The following RASSF2 variants were observed in gnomAD, a reference collection of about 807,000 sequenced individuals.
RASSF2 encodes ras association domain-containing protein 2.
Under a neutral mutation model 46.3 loss-of-function variants are expected in RASSF2, and 34 were observed. The observed-to-expected ratio is 0.73, with a 90% CI of 0.56 to 0.98. The LOEUF is 0.98. Ranked by LOEUF, RASSF2 falls within the 50% of genes least tolerant of loss-of-function variation. RASSF2 has a pLI of 0.00. For missense variants in RASSF2, 364 were observed against 431.2 expected (o/e 0.84, Z 1.38); for synonymous variants, 158 against 162.5 (o/e 0.97, Z 0.21).
intron 4 of RASSF2, among the ~76,000 whole-genome samples, chr20:4,796,709 T>C (rs891296863): frequency 6.6e-6 from 1 of 152,170 alleles, no homozygotes; most frequent in African/African-American, 2.4e-5. Context: ...TCCCGAAGAA[T>C]TGGGACTCGC....
chr20:4,788,201 T>C lies in RASSF2; in HGVS notation c.691+16A>G. 8.5e-7 allele frequency: 1 copy of C among 1,175,714 alleles called. No homozygotes were observed. Among genetic ancestry groups the C allele is most frequent in the African/African-American group, 1.4e-5 (1 of 69,196 alleles). The allele number at this position is 1,175,714 out of a possible 1,614,324, so 72.8% of individuals were successfully genotyped here. A position where few individuals can be genotyped will look rare whatever the true frequency, so the allele number is the denominator to read the frequency against. On this transcript the variant is annotated intron_variant, in intron 9 of 11. Transcript: ENST00000379400. Reference sequence around the variant, plus strand: ...TAATTAGAAGTTTTAAAGTACACTGTGGTCTTCAGACTTACCACCACTCGT... The same window carrying C: ...TAATTAGAAGTTTTAAAGTACACTGCGGTCTTCAGACTTACCACCACTCGT...
intron 3 of RASSF2, 35 bp from the exon 4 acceptor site, chr20:4,798,120 C>T: frequency 5.6e-6 from 9 of 1,610,798 alleles, no homozygotes; most frequent in Non-Finnish European, 7.6e-6. Context: ...ATAACATTAT[C>T]AGCTGAAGCC....
In RASSF2 at chr20:4,795,895, C is replaced by G; in HGVS notation, c.207G>C (p.Gln69His). 1.2e-6 allele frequency: 2 copies of G among 1,608,584 alleles called. No individual in the cohort carries two copies. The highest frequency in any genetic ancestry group is 1.7e-6 in the Non-Finnish European group (2 of 1,176,864). Residue 69 changes from glutamine to histidine, a missense_variant, in exon 5 of 12, where the codon CAG becomes CAC. Physicochemically the swap from Gln to His is conservative, Grantham distance 24 (BLOSUM62 0). Transcript: ENST00000379400. The surrounding 1 kb of genome is among the most constrained non-coding windows in gnomAD (Gnocchi z 4.0). ...GAATGCGTTCGTTGTCATCCTGCAT[C>G]TGCAGGCGAATGGGCCGGCGCAGGC... ...SWGLRRPIRL[Q>H]MQDDNERIRP...
chr20:4,788,133 A>G (rs750480085), intron 9 of RASSF2, 84 bp downstream of exon 9: 128 of 1,298,586 alleles, frequency 9.9e-5, no homozygotes, highest in Non-Finnish European at 1.3e-4. Flanking sequence ...TCAAACAACA[A>G]GCAAAGGAGG....
chr20:4,789,773 G>A lies in RASSF2; in HGVS notation c.538-76C>T, dbSNP rs536207722. 334 of 1,242,236 alleles carry A rather than the reference G, an allele frequency of 2.7e-4. No homozygotes were observed. In the African/African-American group the frequency reaches 4.7e-3, roughly 18 times the overall value. The allele number at this position is 1,242,236 out of a possible 1,614,324, so 77.0% of individuals were successfully genotyped here. ...TGCTAAAATCCAGGTGCGGTACAGG[G>A]CACAGTGACAACGATACTCAGAATG... On this transcript the variant is annotated intron_variant, in intron 7 of 11. Coordinates refer to ENST00000379400, the MANE Select transcript of RASSF2 (RefSeq NM_014737.3).
chr20:4,789,860 G>A (rs895433090), intron 7 of RASSF2, among the ~76,000 whole-genome samples, 163 bp from the exon 8 acceptor site: 8 of 152,158 alleles, frequency 5.3e-5, no homozygotes, highest in African/African-American at 1.2e-4. Context: ...AGCAACCCTC[G>A]GGGTTTGCAT....
chr20:4,801,554 TATAAC>T (rs140063229), intron 2 of RASSF2, among the ~76,000 whole-genome samples: 1,638 of 152,320 alleles, frequency 0.011, 83 homozygotes, highest in East Asian at 0.099. Context: ...ACAATTTAAT[TATAAC>T]AATACATTAC....
intron 4 of RASSF2, among the ~76,000 whole-genome samples, chr20:4,797,179 T>C (rs1202633929): frequency 1.3e-5 from 2 of 152,248 alleles, no homozygotes; most frequent in South Asian, 2.1e-4. Context: ...CTTTACACAA[T>C]TGTAGGTCAA....
intron 5 of RASSF2, among the ~76,000 whole-genome samples, chr20:4,793,899 AGCTTGATGCC>A (rs1333667853): frequency 6.6e-6 from 1 of 152,210 alleles, no homozygotes; most frequent in African/African-American, 2.4e-5. Flanking sequence ...AGCCAGGACC[AGCTTGATGCC>A]GCAGAGAAGG....
Position 4,812,893 on chromosome 20 carries a change from G to A in RASSF2, c.-33+9436C>T, listed in dbSNP as rs114921362. ...CTATGCGAGTAGCAGGTGCAGGCTG[G>A]CTCCAGCTACCAGCCCACAGCAGGC... On this transcript the variant is annotated intron_variant, in intron 2 of 11. Transcript: ENST00000379400. This position sits in a 1 kb window ranked among gnomAD's most constrained non-coding sequence, Gnocchi z 4.0. Among the ~76,000 whole-genome samples, 718 of 152,280 alleles carry A rather than the reference G, an allele frequency of 4.7e-3. 10 individuals carry two copies. The highest frequency in any genetic ancestry group is 0.016 in the African/African-American group (658 of 41,556).
intron 3 of RASSF2, 53 bp from the exon 4 acceptor site, chr20:4,798,138 A>G (rs1926514329): frequency 6.2e-7 from 1 of 1,604,072 alleles, no homozygotes. Flanking sequence ...GCCACTTATA[A>G]TGCAGTTGTT....
Position 4,822,377 on chromosome 20 carries a change from C to G in RASSF2, c.-81G>C, listed in dbSNP as rs1183688757. 1 of 152,054 alleles carries G rather than the reference C, an allele frequency of 6.6e-6. No homozygotes were observed. Among genetic ancestry groups the G allele is most frequent in the Non-Finnish European group, 1.5e-5 (1 of 68,034 alleles). The allele number at this position is 152,054 out of a possible 1,614,324, so 9.4% of individuals were successfully genotyped here. A position where few individuals can be genotyped will look rare whatever the true frequency, so the allele number is the denominator to read the frequency against. On this transcript the variant is annotated 5_prime_UTR_variant, in exon 2 of 12. Transcript: ENST00000379400. ...ACAGCCTTTGCTCTCCCGAAAAACA[C>G]GTTCTAGGCGCCGGGATTCCAGATA...
At chr20:4,808,030 G>C (rs1244945115) in intron 2 of RASSF2, among the ~76,000 whole-genome samples, 1 of 152,206 alleles carries the variant, frequency 6.6e-6, no homozygotes, top group Non-Finnish European at 1.5e-5. Flanking sequence ...AGTTAACTCT[G>C]ATATTCCTTA....
At chr20:4,804,318 G>GA (rs1253415479) in intron 2 of RASSF2, among the ~76,000 whole-genome samples, 2 of 132,576 alleles carry the variant, frequency 1.5e-5, no homozygotes, top group African/African-American at 2.8e-5. Flanking sequence ...CGCGCAAAAA[G>GA]AAAAAAAGGA....
chr20:4,785,669 G>A (rs1925263649), intron 11 of RASSF2, among the ~76,000 whole-genome samples: 1 of 152,156 alleles, frequency 6.6e-6, no homozygotes, highest in Non-Finnish European at 1.5e-5. Flanking sequence ...CCACGGCTAA[G>A]ACAGCCTTCC....
chr20:4,808,845 C>G (rs1927552921), intron 2 of RASSF2, among the ~76,000 whole-genome samples: 1 of 152,184 alleles, frequency 6.6e-6, no homozygotes, highest in East Asian at 1.9e-4. Context: ...ACTGAACTTC[C>G]TCTATGAACA....
rs1297694081 is a variant in RASSF2 at position 4,812,300 on chromosome 20, T to C, written c.-33+10029A>G. On this transcript the variant is annotated intron_variant, in intron 2 of 11. Coordinates refer to ENST00000379400, the MANE Select transcript of RASSF2 (RefSeq NM_014737.3). This position sits in a 1 kb window ranked among gnomAD's most constrained non-coding sequence, Gnocchi z 4.0. ...TCCTTTAACCCCTACACCAACCTCATTACGAAAGAAACTTTATTATCCTCA... is the reference window on the plus strand; with the variant it reads ...TCCTTTAACCCCTACACCAACCTCACTACGAAAGAAACTTTATTATCCTCA... Among the ~76,000 whole-genome samples the C allele has an allele frequency of 6.6e-6, 1 of 152,174 alleles. No homozygotes were observed. The highest frequency in any genetic ancestry group is 6.5e-5 in the Admixed American group (1 of 15,282).
chr20:4,803,163 G>A (rs866550860), intron 2 of RASSF2, among the ~76,000 whole-genome samples: 8 of 151,750 alleles, frequency 5.3e-5, no homozygotes, highest in Non-Finnish European at 1.2e-4. Context: ...TGCTTGCCTC[G>A]GCCTCCCAAA....
intron 11 of RASSF2, among the ~76,000 whole-genome samples, chr20:4,785,113 C>A (rs558234948): frequency 2.6e-4 from 36 of 139,906 alleles, no homozygotes; most frequent in African/African-American, 9.3e-4. Context: ...AGTTCAAGAC[C>A]AGCCTGGCCA....
Sources: allele counts gnomAD v4.1 joint callset (sites outside exome capture counted in the v4.1 genomes callset), GRCh38; gene constraint gnomAD v4.1.1; non-coding constraint Gnocchi (gnomAD v3.1); transcripts MANE v1.5; gene names NCBI Gene and HGNC (gene_info 2026-07-23, HGNC 2026-07-21).